Variants in DPP6 observed in about 807,000 individuals in gnomAD.
DPP6 encodes the protein dipeptidyl peptidase like 6.
A neutral mutation model predicts 122.6 loss-of-function variants in DPP6; 69 were observed. That is an observed-to-expected ratio of 0.56 (90% CI 0.46 to 0.69). DPP6 has a LOEUF of 0.69. DPP6 is among the 30% of genes least tolerant of loss of function. DPP6 has a pLI of 0.00. For missense variants in DPP6, 928 were observed against 1,116.9 expected (o/e 0.83, Z 2.41); for synonymous variants, 418 against 433.1 (o/e 0.97, Z 0.43).
intron 1 of DPP6, among the ~76,000 whole-genome samples, chr7:154,122,909 T>G (rs1248979426): frequency 6.6e-6 from 1 of 152,202 alleles, no homozygotes; most frequent in Non-Finnish European, 1.5e-5. Flanking sequence ...CTGCCCATCC[T>G]CCTCCTCCCT....
chr7:154,801,684 G>A (rs1225540198), intron 13 of DPP6, among the ~76,000 whole-genome samples: 1 of 152,156 alleles, frequency 6.6e-6, no homozygotes, highest in Non-Finnish European at 1.5e-5. Flanking sequence ...TGTGAATGAC[G>A]CTTCTGCCAA....
At chr7:153,888,092 G>A (rs1799019283) in intron 1 of DPP6, among the ~76,000 whole-genome samples, 1 of 152,174 alleles carries the variant, frequency 6.6e-6, no homozygotes. Context: ...GAAACGCGGG[G>A]AGAGGTGGTC....
chr7:154,346,316 T>C (rs1412224524), intron 1 of DPP6, among the ~76,000 whole-genome samples: 2 of 152,132 alleles, frequency 1.3e-5, no homozygotes, highest in Non-Finnish European at 2.9e-5. Context: ...TCTTTTTTTT[T>C]CTTTGAGATG....
At chr7:154,434,189 G>A (rs933916742) in intron 1 of DPP6, among the ~76,000 whole-genome samples, 1 of 152,066 alleles carries the variant, frequency 6.6e-6, no homozygotes, top group African/African-American at 2.4e-5. Flanking sequence ...TGGTATGTGC[G>A]ACTTCATGAA....
intron 1 of DPP6, among the ~76,000 whole-genome samples, chr7:154,418,239 C>T (rs929649192): frequency 3.9e-5 from 6 of 152,340 alleles, no homozygotes; most frequent in African/African-American, 1.4e-4. Flanking sequence ...ATCAGGAAAA[C>T]CTGCCCCACC....
At chr7:154,229,056 T>C (rs1192626804) in intron 1 of DPP6, among the ~76,000 whole-genome samples, 1 of 152,182 alleles carries the variant, frequency 6.6e-6, no homozygotes, top group Non-Finnish European at 1.5e-5. Flanking sequence ...AGAAGCACTC[T>C]GTGGTGAAGG....
At chr7:154,425,626 GT>G (rs55759405) in intron 1 of DPP6, among the ~76,000 whole-genome samples, 8,991 of 141,498 alleles carry the variant, frequency 0.064, 757 homozygotes, top group African/African-American at 0.2. Flanking sequence ...GTGTGGGTGT[GT>G]GTGTGTGTGT....
chr7:154,388,630 C>T (rs1198276886), intron 1 of DPP6, among the ~76,000 whole-genome samples: 1 of 152,058 alleles, frequency 6.6e-6, no homozygotes, highest in East Asian at 1.9e-4. Flanking sequence ...CCCTGATGCC[C>T]AGGCCAGCGT....
chr7:154,383,971 C>G (rs1343950169), intron 1 of DPP6, among the ~76,000 whole-genome samples: 1 of 151,824 alleles, frequency 6.6e-6, no homozygotes, highest in Non-Finnish European at 1.5e-5. Context: ...TCTTTAAACT[C>G]CTCTGCAAGA....
At chr7:154,508,666 G>T (rs949787797) in intron 3 of DPP6, among the ~76,000 whole-genome samples, 1 of 152,178 alleles carries the variant, frequency 6.6e-6, no homozygotes, top group African/African-American at 2.4e-5. Flanking sequence ...ACTTGTGCTA[G>T]AATTCAGGCA....
intron 1 of DPP6, among the ~76,000 whole-genome samples, chr7:153,910,234 C>CTTTTTTCTTTTTTTTTTTTTTTTTTTTT (rs750065238): frequency 4.4e-5 from 6 of 137,750 alleles, no homozygotes; most frequent in Non-Finnish European, 9.4e-5. Context: ...TTCTTTCTTT[C>CTTTTTTCTTTTTTTTTTTTTTTTTTTTT]TTTTTTTTTT....
the DPP6 span, among the ~76,000 whole-genome samples, chr7:153,800,181 C>A: frequency 6.6e-6 from 1 of 152,106 alleles, no homozygotes; most frequent in African/African-American, 2.4e-5. Context: ...AAGTGTCCAT[C>A]AACAAATGAA....
intron 1 of DPP6, among the ~76,000 whole-genome samples, chr7:154,307,117 G>A (rs1393143494): frequency 6.6e-6 from 1 of 152,112 alleles, no homozygotes. Context: ...CAAGGATTGG[G>A]AGTCAGAAGC....
intron 1 of DPP6, among the ~76,000 whole-genome samples, chr7:154,425,597 G>GGAA (rs1554545518): frequency 9.5e-6 from 1 of 105,404 alleles, no homozygotes; most frequent in South Asian, 4.1e-4. Flanking sequence ...TTAGTTTGGG[G>GGAA]AAAAAAATGT....
chr7:154,727,706 A>C, intron 7 of DPP6, 61 bp from the exon 8 acceptor site: 2 of 1,509,616 alleles, frequency 1.3e-6, no homozygotes, highest in East Asian at 4.9e-5. Flanking sequence ...ATTTTTTAAG[A>C]ACAGCCTATT....
chr7:154,523,881 T>C (rs1365129507), intron 3 of DPP6, among the ~76,000 whole-genome samples: 5 of 152,228 alleles, frequency 3.3e-5, no homozygotes, highest in African/African-American at 1.2e-4. Flanking sequence ...GTTTTTCCCA[T>C]TGAGAATGGC....
At position 154,637,885 on chromosome 7, in the gene DPP6, C is replaced by T. The variant is rs539225240; in HGVS notation, c.680+12C>T. On this transcript the variant is annotated intron_variant, in intron 6 of 25. Coordinates refer to ENST00000377770, the MANE Select transcript of DPP6 (RefSeq NM_130797.4). ...AAAATTCCTCATGGGTAAGAGTGTT[C>T]TTTTCTTTCTTTTAATTAGAAATAT... 7 of 1,561,208 alleles carry T rather than the reference C, an allele frequency of 4.5e-6. No individual in the cohort carries two copies. In the South Asian group the frequency reaches 7.1e-5, roughly 16 times the overall value.
At chr7:154,609,016 C>T (rs960407387) in intron 5 of DPP6, among the ~76,000 whole-genome samples, 4 of 152,158 alleles carry the variant, frequency 2.6e-5, no homozygotes, top group African/African-American at 9.7e-5. Context: ...AAGGCACTCA[C>T]CCTGTTTCTG....
At chr7:154,162,917 C>A (rs1797053165) in intron 1 of DPP6, among the ~76,000 whole-genome samples, 1 of 151,666 alleles carries the variant, frequency 6.6e-6, no homozygotes, top group South Asian at 2.1e-4. Flanking sequence ...CTGTAAGGAA[C>A]TTGACACCCA....
Sources: allele counts gnomAD v4.1 joint callset (sites outside exome capture counted in the v4.1 genomes callset), GRCh38; gene constraint gnomAD v4.1.1; transcripts MANE v1.5; gene names NCBI Gene and HGNC (gene_info 2026-07-23, HGNC 2026-07-21).